CNTRL: variants seen among roughly 807,000 people sequenced by gnomAD.
CNTRL encodes 110 kDa centrosomal protein.
A neutral mutation model predicts 303.7 loss-of-function variants in CNTRL; 233 were observed. The ratio of observed to expected loss-of-function variants is 0.77; its 90% confidence interval spans 0.69 to 0.86. The LOEUF is 0.86. Among genes scored for constraint, CNTRL ranks in the 40% least tolerant of loss-of-function variants. The pLI, the probability that CNTRL is intolerant of heterozygous loss-of-function variation, is 0.00. For missense variants in CNTRL, 2,524 were observed against 2,650.6 expected (o/e 0.95, Z 1.05); for synonymous variants, 900 against 922.2 (o/e 0.98, Z 0.44).
At chr9:121,174,879 T>C (rs1588351702) in intron 42 of CNTRL, 139 bp from the exon 43 acceptor site, 1 of 753,000 alleles carries the variant, frequency 1.3e-6, no homozygotes, top group South Asian at 1.6e-5. Context: ...CCTCCTACAA[T>C]TCTTTTTAAA....
chr9:121,088,088 A>G (rs1487399517), intron 2 of CNTRL, among the ~76,000 whole-genome samples: 3 of 152,214 alleles, frequency 2.0e-5, no homozygotes, highest in Non-Finnish European at 4.4e-5. Flanking sequence ...GCATGTGTCA[A>G]TTCTATCCCC....
rs1031219526 is a variant in CNTRL, at chr9:121,103,270, A to G, written c.809-4532A>G. 4.3e-4 allele frequency among the ~76,000 whole-genome samples: 65 copies of G among 152,346 alleles called. 1 individual carries two copies. Among genetic ancestry groups the G allele is most frequent in the African/African-American group, 1.5e-3 (62 of 41,586 alleles). On this transcript the variant is annotated intron_variant, in intron 7 of 43. Transcript: ENST00000373855. ...CACATCTATAACCATCTGATCTTTG[A>G]CAAACCTGACAAAAACAAGCAATGG... is the stretch of plus-strand genomic sequence containing the variant.
At chr9:121,167,809 A>G (rs1053323376) in intron 37 of CNTRL, 132 bp downstream of exon 37, 33 of 769,802 alleles carry the variant, frequency 4.3e-5, no homozygotes, top group Non-Finnish European at 6.9e-5. Context: ...CTGTGTAGCC[A>G]TGGGTGGCAT....
At chr9:121,095,174 A>G (rs1242196822) in intron 5 of CNTRL, among the ~76,000 whole-genome samples, 156 bp downstream of exon 5, 1 of 152,210 alleles carries the variant, frequency 6.6e-6, no homozygotes, top group Admixed American at 6.5e-5. Flanking sequence ...CTCTTCACAT[A>G]TGGTAGGTAA....
chr9:121,173,655 CTA>C lies in CNTRL; in HGVS notation c.6685-18_6685-17del, dbSNP rs2053404387. The C allele has an allele frequency of 1.2e-6, 2 of 1,613,696 alleles. No homozygotes were observed. The highest frequency in any genetic ancestry group is 2.7e-5 in the African/African-American group (2 of 74,894). ...TAGCAGCAGATGATTCATGATATCT[CTA>C]TTTTCCCTCTGAGAAAGGATGAACA... On this transcript the variant is annotated intron_variant, in intron 41 of 43. Coordinates refer to ENST00000373855, the MANE Select transcript of CNTRL (RefSeq NM_007018.6).
rs758746247 is a variant in CNTRL, at chr9:121,088,401, A to G, written c.75A>G (p.Ser25=). 5.6e-6 allele frequency: 9 copies of G among 1,613,106 alleles called. No individual in the cohort carries two copies. The South Asian group carries it at 8.8e-5, about 16-fold the overall frequency. Residue 25 remains serine (S), a synonymous_variant, in exon 3 of 44, where the codon TCA becomes TCG. Coordinates refer to ENST00000373855, the MANE Select transcript of CNTRL (RefSeq NM_007018.6). The part of the protein sequence containing the change: ...IPSSSHSPIP[S]SMSNMRSRSL... ...CATCATCTCACTCTCCTATCCCATC[A>G]TCTATGTCCAATATGAGATCTAGGT...
chr9:121,157,777 A>C lies in CNTRL; in HGVS notation c.4534A>C (p.Lys1512Gln). 6.2e-7 allele frequency: 1 copy of C among 1,614,264 alleles called. No individual in the cohort carries two copies. Among genetic ancestry groups the C allele is most frequent in the Non-Finnish European group, 8.5e-7 (1 of 1,180,046 alleles). ...QADAKDLEQH[K>Q]IKQEEILKEI... Reference sequence around the variant, plus strand: ...TGATGCAAAGGATTTGGAGCAGCACAAAATCAAGCAAGAAGAAATCTTGAA... The same window carrying C: ...TGATGCAAAGGATTTGGAGCAGCACCAAATCAAGCAAGAAGAAATCTTGAA... The change falls in exon 29 of 44, where the codon AAA (lysine) becomes CAA (glutamine). Residue 1512 changes from lysine to glutamine, a missense_variant. Physicochemically the swap from Lys to Gln is moderately conservative, Grantham distance 53. Transcript: ENST00000373855.
chr9:121,151,473 C>A (rs2052255240), intron 25 of CNTRL, among the ~76,000 whole-genome samples: 1 of 144,230 alleles, frequency 6.9e-6, no homozygotes, highest in Non-Finnish European at 1.5e-5. Context: ...TCACTGCAAC[C>A]TCCGCCTCCC....
In CNTRL at chr9:121,169,743, A is replaced by T; in HGVS notation, c.6203A>T (p.Lys2068Ile). ...AACCAGTTCTTGACAGAAAGAAAGA[A>T]AGCTGAGAAGCAGGTGGCCAGCCTG... ...LRNQFLTERKKAEKQVASLKE... is the reference protein window; with the variant it reads ...LRNQFLTERKIAEKQVASLKE... Residue 2068 changes from lysine (K) to isoleucine (I), a missense_variant, in exon 39 of 44, where the codon AAA (lysine) becomes ATA (isoleucine). Physicochemically the swap from Lys to Ile is moderately radical, Grantham distance 102 (BLOSUM62 -3). Coordinates refer to ENST00000373855, the MANE Select transcript of CNTRL (RefSeq NM_007018.6). 2 of 1,614,212 alleles carry T rather than the reference A, an allele frequency of 1.2e-6. No individual in the cohort carries two copies. The highest frequency in any genetic ancestry group is 1.7e-6 in the Non-Finnish European group (2 of 1,180,026).
At chr9:121,091,278 A>G (rs941700921) in intron 4 of CNTRL, among the ~76,000 whole-genome samples, 19 of 152,342 alleles carry the variant, frequency 1.2e-4, no homozygotes, top group African/African-American at 4.6e-4. Flanking sequence ...GAAGAAAAAA[A>G]CCTTAGATTT....
In CNTRL at chr9:121,125,896, A is replaced by G. The variant is rs757082295; in HGVS notation, c.1985A>G (p.Gln662Arg). The G allele has an allele frequency of 1.2e-6, 2 of 1,614,232 alleles. No individual in the cohort carries two copies. Among genetic ancestry groups the G allele is most frequent in the Non-Finnish European group, 8.5e-7 (1 of 1,180,026 alleles). The change falls in exon 14 of 44, where the codon CAG becomes CGG. Residue 662 changes from glutamine to arginine, a missense_variant. Physicochemically the swap from Gln to Arg is conservative, Grantham distance 43. Transcript: ENST00000373855. ...ACAGAAGTCGAGCAGGAGAGAGACC[A>G]GCTGGAAATAGTTGCCATGGATGCA... ...RLTEVEQERD[Q>R]LEIVAMDAEN...
In CNTRL at chr9:121,162,168, G is replaced by A; in HGVS notation, c.5320G>A (p.Glu1774Lys). ...DKREIERMTA[E>K]SRALQSCVEC... Reference sequence around the variant, plus strand: ...ACGAGAAATAGAACGAATGACTGCTGAGTCCCGAGCTTTACAATCGTGTGT... The same window carrying A: ...ACGAGAAATAGAACGAATGACTGCTAAGTCCCGAGCTTTACAATCGTGTGT... The change falls in exon 34 of 44, where the codon GAG (glutamate) becomes AAG (lysine). Residue 1774 changes from glutamate to lysine, a missense_variant. Glu to Lys is a moderately conservative substitution (Grantham distance 56). Coordinates refer to ENST00000373855, the MANE Select transcript of CNTRL (RefSeq NM_007018.6). The A allele has an allele frequency of 6.2e-7, 1 of 1,614,148 alleles. No homozygotes were observed. Among genetic ancestry groups the A allele is most frequent in the Non-Finnish European group, 8.5e-7 (1 of 1,180,008 alleles).
Position 121,150,376 on chromosome 9 carries a change from C to T in CNTRL, c.3856C>T (p.Pro1286Ser), listed in dbSNP as rs774628194. The T allele has an allele frequency of 1.8e-5, 29 of 1,614,162 alleles. No individual in the cohort carries two copies. In the South Asian group the frequency reaches 2.9e-4, roughly 16 times the overall value. The change falls in exon 25 of 44, where the codon CCT becomes TCT. Residue 1286 changes from proline (P) to serine (S), a missense_variant. Transcript: ENST00000373855. ...LTPGTVVYGP[P>S]PAGAPMVYGP... ...CCCTGGCACTGTTGTTTATGGCCCA[C>T]CTCCTGCTGGGGCCCCCATGGTGTA...
chr9:121,107,059 C>A (rs1189139329), intron 7 of CNTRL, among the ~76,000 whole-genome samples: 1 of 151,990 alleles, frequency 6.6e-6, no homozygotes, highest in African/African-American at 2.4e-5. Context: ...TTTACTACTC[C>A]CTGTGTGACA....
At chr9:121,098,001 T>C (rs972184543) in intron 6 of CNTRL, among the ~76,000 whole-genome samples, 1 of 152,206 alleles carries the variant, frequency 6.6e-6, no homozygotes, top group African/African-American at 2.4e-5. Context: ...TTTGATTTGT[T>C]AAATCAGTAT....
At chr9:121,124,850 T>C (rs975199118) in intron 13 of CNTRL, among the ~76,000 whole-genome samples, 3 of 144,530 alleles carry the variant, frequency 2.1e-5, no homozygotes, top group Non-Finnish European at 4.5e-5. Flanking sequence ...AGACTGAGGG[T>C]GGAGGATCAC....
chr9:121,129,298 G>A (rs6478501), intron 14 of CNTRL, among the ~76,000 whole-genome samples: 90,181 of 151,982 alleles, frequency 0.59, 29,040 homozygotes, highest in South Asian at 0.89. Context: ...CCATTTGTTT[G>A]TGTCCTCTTT....
At chr9:121,138,023 A>G (rs2133915211) in intron 15 of CNTRL, among the ~76,000 whole-genome samples, 1 of 152,332 alleles carries the variant, frequency 6.6e-6, no homozygotes, top group South Asian at 2.1e-4. Context: ...GAAGATCTAC[A>G]GATCTCTGAT....
Position 121,173,658 on chromosome 9 carries a change from T to C in CNTRL, c.6685-17T>C. 4 of 1,613,922 alleles carry C rather than the reference T, an allele frequency of 2.5e-6. No individual in the cohort carries two copies. The highest frequency in any genetic ancestry group is 3.4e-6 in the Non-Finnish European group (4 of 1,179,820). On this transcript the variant is annotated splice_polypyrimidine_tract_variant and intron_variant, in intron 41 of 43. Transcript: ENST00000373855. ...CAGCAGATGATTCATGATATCTCTA[T>C]TTTCCCTCTGAGAAAGGATGAACAC...
Sources: allele counts gnomAD v4.1 joint callset (sites outside exome capture counted in the v4.1 genomes callset), GRCh38; gene constraint gnomAD v4.1.1; transcripts MANE v1.5; gene names NCBI Gene and HGNC (gene_info 2026-07-23, HGNC 2026-07-21).